The following AP3B1 variants were observed in gnomAD, a reference collection of about 807,000 sequenced individuals.
AP3B1 encodes the protein AP-3 complex subunit beta-1.
A neutral mutation model predicts 132.5 loss-of-function variants in AP3B1; 61 were observed. The observed-to-expected ratio is 0.46, with a 90% CI of 0.37 to 0.57. AP3B1 has a LOEUF of 0.57. AP3B1 is among the 20% of genes least tolerant of loss of function. The pLI is 0.00. For missense variants in AP3B1, 1,120 were observed against 1,289.4 expected (o/e 0.87, Z 2.01); for synonymous variants, 388 against 438.3 (o/e 0.89, Z 1.43).
Position 78,089,484 on chromosome 5 carries a change from G to A in AP3B1, c.2486C>T (p.Thr829Ile). ...LDLDDFNPVS[T>I]PVALPTPALS... ...AGCTGGTGTGGGAAGTGCAACTGGA[G>A]TGGATACTGGGTTAACTGTAAGAAA... Residue 829 changes from threonine (T) to isoleucine (I), a missense_variant, in exon 22 of 27, where the codon ACT (threonine) becomes ATT (isoleucine). Coordinates refer to ENST00000255194, the MANE Select transcript of AP3B1 (RefSeq NM_003664.5). The A allele has an allele frequency of 6.2e-7, 1 of 1,611,936 alleles. No homozygotes were observed. Among genetic ancestry groups the A allele is most frequent in the East Asian group, 2.2e-5 (1 of 44,810 alleles).
intron 22 of AP3B1, among the ~76,000 whole-genome samples, chr5:78,067,199 CA>C (rs1749329105): frequency 6.6e-6 from 1 of 152,140 alleles, no homozygotes; most frequent in Non-Finnish European, 1.5e-5. Context: ...GTAAAAGGCT[CA>C]ATTCAACAAG....
At chr5:78,181,934 T>C (rs1744390080) in intron 7 of AP3B1, among the ~76,000 whole-genome samples, 1 of 152,210 alleles carries the variant, frequency 6.6e-6, no homozygotes, top group Admixed American at 6.5e-5. Context: ...TAGAAATACC[T>C]ATAGTCCTTC....
chr5:78,042,773 G>A (rs1748148365), intron 22 of AP3B1: 1 of 157,204 alleles, frequency 6.4e-6, no homozygotes, highest in Non-Finnish European at 1.5e-5. Flanking sequence ...ATGAACACAT[G>A]ATGGACACAG....
intron 11 of AP3B1, among the ~76,000 whole-genome samples, chr5:78,168,023 A>C (rs4704485): frequency 0.23 from 35,164 of 150,534 alleles, 5,349 homozygotes; most frequent in South Asian, 0.37. Flanking sequence ...GAAAAAAAAA[A>C]AAAAACAAAA....
intron 22 of AP3B1, among the ~76,000 whole-genome samples, chr5:78,075,152 T>C (rs568025432): frequency 3.9e-5 from 6 of 152,098 alleles, no homozygotes; most frequent in East Asian, 1.9e-4. Flanking sequence ...AATACCCTAG[T>C]AGCAATTAAA....
At chr5:78,028,337 G>A (rs1021373795) in intron 24 of AP3B1, among the ~76,000 whole-genome samples, 4 of 151,642 alleles carry the variant, frequency 2.6e-5, no homozygotes, top group South Asian at 2.1e-4. Context: ...GTGCGTGCCT[G>A]TAGTCCCAGC....
At chr5:78,078,250 G>C (rs558945758) in intron 22 of AP3B1, among the ~76,000 whole-genome samples, 11 of 152,182 alleles carry the variant, frequency 7.2e-5, no homozygotes, top group Non-Finnish European at 1.2e-4. Flanking sequence ...TTGGTTAACT[G>C]GGTACCACTA....
chr5:78,097,090 G>A (rs1381390589), intron 21 of AP3B1, among the ~76,000 whole-genome samples: 1 of 116,424 alleles, frequency 8.6e-6, no homozygotes, highest in East Asian at 2.4e-4. Context: ...CCGGCCAGCC[G>A]CCCCGTCCGG....
chr5:78,098,732 A>G (rs1360465506), intron 21 of AP3B1, among the ~76,000 whole-genome samples: 1 of 152,206 alleles, frequency 6.6e-6, no homozygotes, highest in Non-Finnish European at 1.5e-5. Context: ...AATTCAAGCA[A>G]TATTTACTGG....
intron 11 of AP3B1, among the ~76,000 whole-genome samples, chr5:78,167,986 ACAC>A (rs1743719701): frequency 6.7e-6 from 1 of 149,226 alleles, no homozygotes; most frequent in Non-Finnish European, 1.5e-5. Flanking sequence ...ATGTAACCAA[ACAC>A]CACCTGTTCA....
intron 1 of AP3B1, among the ~76,000 whole-genome samples, chr5:78,287,131 T>C (rs1474188798): frequency 6.6e-6 from 1 of 152,244 alleles, no homozygotes; most frequent in Non-Finnish European, 1.5e-5. Flanking sequence ...TCATGTGCTT[T>C]AATCATTCAG....
intron 6 of AP3B1, among the ~76,000 whole-genome samples, chr5:78,221,650 AAAG>A (rs979717384): frequency 6.6e-5 from 10 of 151,890 alleles, no homozygotes; most frequent in African/African-American, 2.4e-4. Flanking sequence ...TGAGATAAAG[AAAG>A]AAGAGGTTTA....
intron 21 of AP3B1, among the ~76,000 whole-genome samples, chr5:78,097,621 CT>C (rs1750921312): frequency 6.9e-6 from 1 of 145,084 alleles, no homozygotes; most frequent in East Asian, 2.0e-4. Context: ...GGTCAGCCCC[CT>C]GCCCGGCCAG....
At chr5:78,214,181 T>A (rs535300731) in intron 7 of AP3B1, among the ~76,000 whole-genome samples, 1 of 152,332 alleles carries the variant, frequency 6.6e-6, no homozygotes, top group East Asian at 1.9e-4. Context: ...CCAGGGACAA[T>A]GACCAGACTT....
chr5:78,016,441 A>G (rs760624389), intron 25 of AP3B1, among the ~76,000 whole-genome samples: 5 of 152,074 alleles, frequency 3.3e-5, no homozygotes, highest in Non-Finnish European at 5.9e-5. Flanking sequence ...AATGCCATCT[A>G]TTTGGATCGG....
intron 22 of AP3B1, among the ~76,000 whole-genome samples, chr5:78,058,511 T>C (rs935750940): frequency 6.6e-6 from 1 of 151,344 alleles, no homozygotes; most frequent in Non-Finnish European, 1.5e-5. Flanking sequence ...AAAAAAAAAA[T>C]GTTATTATAA....
At chr5:78,218,712 T>C (rs1403936160) in intron 6 of AP3B1, among the ~76,000 whole-genome samples, 1 of 152,168 alleles carries the variant, frequency 6.6e-6, no homozygotes, top group Non-Finnish European at 1.5e-5. Context: ...ATCTATTTTG[T>C]CATGAATTCT....
At chr5:78,093,674 A>G (rs1750634106) in intron 21 of AP3B1, among the ~76,000 whole-genome samples, 1 of 152,198 alleles carries the variant, frequency 6.6e-6, no homozygotes, top group Non-Finnish European at 1.5e-5. Flanking sequence ...TTTAATTTGT[A>G]ATTTGCTGCA....
intron 15 of AP3B1, among the ~76,000 whole-genome samples, chr5:78,132,861 A>G (rs1752748379): frequency 6.6e-6 from 1 of 152,212 alleles, no homozygotes; most frequent in African/African-American, 2.4e-5. Flanking sequence ...TTAAATGTAC[A>G]CTTCCACTTT....
Sources: allele counts gnomAD v4.1 joint callset (sites outside exome capture counted in the v4.1 genomes callset), GRCh38; gene constraint gnomAD v4.1.1; transcripts MANE v1.5; gene names NCBI Gene and HGNC (gene_info 2026-07-23, HGNC 2026-07-21).